Variants in DOCK1 observed in about 807,000 individuals in gnomAD.
DOCK1 encodes dedicator of cytokinesis 1, also known as dedicator of cytokinesis protein 1.
DOCK1 carries 138 observed loss-of-function variants against 262.7 expected under a neutral mutation model. The observed-to-expected ratio is 0.53, with a 90% CI of 0.46 to 0.61. DOCK1 has a LOEUF of 0.61. DOCK1 is among the 20% of genes least tolerant of loss of function. The pLI is 0.00. For synonymous variants in DOCK1, 866 were observed against 867.4 expected (o/e 1.00, Z 0.03); for missense variants, 1,908 against 2,370.7 (o/e 0.80, Z 4.05).
chr10:127,373,619 C>T (rs2065330019), intron 33 of DOCK1, among the ~76,000 whole-genome samples, 162 bp from the exon 34 acceptor site: 1 of 152,116 alleles, frequency 6.6e-6, no homozygotes, highest in African/African-American at 2.4e-5. Context: ...TCATCAGAAA[C>T]CTCCAGGGGT....
chr10:127,386,052 G>A (rs542368623), intron 38 of DOCK1, among the ~76,000 whole-genome samples: 1 of 152,322 alleles, frequency 6.6e-6, no homozygotes, highest in Admixed American at 6.5e-5. Context: ...CTGATGCCCG[G>A]GAGTGATGAT....
At chr10:127,137,917 C>T in intron 27 of DOCK1, 1 of 1,614,132 alleles carries the variant, frequency 6.2e-7, no homozygotes, top group Non-Finnish European at 8.5e-7. Flanking sequence ...GAGTAAGTCT[C>T]CTGAGAGTAA....
chr10:127,037,827 G>A lies in DOCK1; in HGVS notation c.2010+11G>A, dbSNP rs2043744015. 6.5e-7 allele frequency: 1 copy of A among 1,528,064 alleles called. No individual in the cohort carries two copies. The highest frequency in any genetic ancestry group is 1.4e-5 in the African/African-American group (1 of 70,816). 94.7% of individuals were successfully genotyped at this position (1,528,064 alleles called of 1,614,324 possible). ...GGTGAAGTAGTGAAGGTAACATGGA[G>A]CCCAAAGGGACTTTTTGGGTCTTTT... is the stretch of plus-strand genomic sequence containing the variant. On this transcript the variant is annotated intron_variant, in intron 19 of 51. Transcript: ENST00000623213.
chr10:127,364,436 A>C (rs2064780660), intron 33 of DOCK1, among the ~76,000 whole-genome samples: 1 of 152,110 alleles, frequency 6.6e-6, no homozygotes, highest in South Asian at 2.1e-4. Context: ...ACGCGATCTC[A>C]GCTCACTACA....
chr10:126,998,334 T>C (rs751249380), intron 8 of DOCK1, 85 bp downstream of exon 8: 150 of 1,554,006 alleles, frequency 9.7e-5, no homozygotes, highest in Non-Finnish European at 1.3e-4. Context: ...GTCCCATTCA[T>C]GCTGAGAGGC....
chr10:127,241,783 A>T (rs975220301), intron 27 of DOCK1, among the ~76,000 whole-genome samples: 2 of 152,116 alleles, frequency 1.3e-5, no homozygotes, highest in African/African-American at 4.8e-5. Context: ...TGTTTCTTCC[A>T]GGTGGTTCTT....
At chr10:127,381,902 G>A (rs1218107523) in intron 37 of DOCK1, among the ~76,000 whole-genome samples, 1 of 152,098 alleles carries the variant, frequency 6.6e-6, no homozygotes, top group East Asian at 1.9e-4. Flanking sequence ...TACTCTTAGT[G>A]GTTCTTTTAT....
intron 48 of DOCK1, among the ~76,000 whole-genome samples, chr10:127,434,247 A>G (rs1427910690): frequency 1.3e-5 from 2 of 151,978 alleles, no homozygotes; most frequent in African/African-American, 4.8e-5. Context: ...TTAAAGGGAA[A>G]TGGTGTTTAA....
intron 27 of DOCK1, among the ~76,000 whole-genome samples, chr10:127,172,724 G>C (rs951549180): frequency 1.3e-5 from 2 of 152,186 alleles, no homozygotes; most frequent in East Asian, 3.9e-4. Flanking sequence ...CCGTGAGCTT[G>C]TGCTGGCAGC....
At chr10:127,048,526 C>T (rs762927654) in intron 21 of DOCK1, among the ~76,000 whole-genome samples, 4 of 152,050 alleles carry the variant, frequency 2.6e-5, no homozygotes, top group Non-Finnish European at 4.4e-5. Context: ...AAGCCTAAAT[C>T]ATCATTTAAA....
intron 38 of DOCK1, among the ~76,000 whole-genome samples, chr10:127,394,352 T>TAAA (rs34284692): frequency 0.12 from 15,483 of 132,698 alleles, 929 homozygotes; most frequent in East Asian, 0.22. Flanking sequence ...TGCACCAATG[T>TAAA]AAAAAAAAAA....
At chr10:127,180,995 A>G (rs571018082) in intron 27 of DOCK1, among the ~76,000 whole-genome samples, 2 of 152,294 alleles carry the variant, frequency 1.3e-5, no homozygotes, top group East Asian at 3.9e-4. Context: ...AAATAACACA[A>G]GGTAAAATCT....
At chr10:127,234,930 A>T (rs1470219974) in intron 27 of DOCK1, among the ~76,000 whole-genome samples, 1 of 148,298 alleles carries the variant, frequency 6.7e-6, no homozygotes, top group African/African-American at 2.4e-5. Context: ...TTTATATTTT[A>T]TACATATAAA....
At chr10:127,146,139 T>C (rs1442343553) in intron 27 of DOCK1, 1 of 475,206 alleles carries the variant, frequency 2.1e-6, no homozygotes, top group Non-Finnish European at 4.2e-6. Flanking sequence ...CCCATGAAAC[T>C]GACAGCGTAG....
intron 1 of DOCK1, among the ~76,000 whole-genome samples, chr10:126,963,235 T>C: frequency 6.6e-6 from 1 of 152,304 alleles, no homozygotes; most frequent in African/African-American, 2.4e-5. Flanking sequence ...CTGTGGAAAG[T>C]GTCATTGGGA....
intron 33 of DOCK1, among the ~76,000 whole-genome samples, chr10:127,373,429 G>A (rs1049616869): frequency 3.3e-5 from 5 of 152,092 alleles, no homozygotes; most frequent in East Asian, 3.9e-4. Flanking sequence ...AGCTATTTTA[G>A]ATGTTACGTG....
At chr10:127,072,744 C>T (rs533082893) in intron 23 of DOCK1, among the ~76,000 whole-genome samples, 4 of 152,238 alleles carry the variant, frequency 2.6e-5, no homozygotes, top group Non-Finnish European at 4.4e-5. Flanking sequence ...GACTTTGATG[C>T]GTGTTATCTC....
chr10:127,404,382 T>C lies in DOCK1; in HGVS notation c.4075T>C (p.Tyr1359His). 3 of 1,613,982 alleles carry C rather than the reference T, an allele frequency of 1.9e-6. No homozygotes were observed. Among genetic ancestry groups the C allele is most frequent in the Non-Finnish European group, 2.5e-6 (3 of 1,179,896 alleles). ...IVKVIRPKPD[Y>H]FAVGYYGQGF... ...CAAAGTGATCAGGCCCAAGCCTGACTATTTTGCTGTTGGCTACTACGGACA... is the reference window on the plus strand; with the variant it reads ...CAAAGTGATCAGGCCCAAGCCTGACCATTTTGCTGTTGGCTACTACGGACA... Residue 1359 changes from tyrosine to histidine, a missense_variant, in exon 40 of 52, where the codon TAT becomes CAT. Tyr to His is a moderately conservative substitution (Grantham distance 83, BLOSUM62 2). Coordinates refer to ENST00000623213, the MANE Select transcript of DOCK1 (RefSeq NM_001290223.2).
chr10:127,110,413 A>T (rs1342488244), intron 25 of DOCK1, 59 bp downstream of exon 25: 1 of 1,483,320 alleles, frequency 6.7e-7, no homozygotes, highest in Non-Finnish European at 9.3e-7. Context: ...GAAGACATTG[A>T]CCCTCTGAAT....
Sources: gnomAD v4.1 joint callset for allele counts (sites outside exome capture counted in the v4.1 genomes callset) on GRCh38, gnomAD v4.1.1 for gene constraint, MANE v1.5 for transcripts, NCBI Gene and HGNC (gene_info 2026-07-23, HGNC 2026-07-21) for gene names.